HTR1F: variants seen among roughly 807,000 people sequenced by gnomAD.
The protein encoded by HTR1F is 5-hydroxytryptamine receptor 1F, also known as 5-hydroxytryptamine (serotonin) receptor 1F, G protein-coupled.
In HTR1F, 17 loss-of-function variants were observed where a neutral mutation model predicts 24.0. The observed-to-expected ratio is 0.71, with a 90% CI of 0.48 to 1.06. The LOEUF is 1.06. Ranked by LOEUF, HTR1F falls within the 50% of genes least tolerant of loss-of-function variation. The probability of loss-of-function intolerance (pLI) is 0.00; values close to 1 mark genes in which losing one functional copy is unlikely to be tolerated. For missense variants in HTR1F, 391 were observed against 427.8 expected, an observed-to-expected ratio of 0.91 and a Z score of 0.76; for synonymous variants, 186 against 156.8, an observed-to-expected ratio of 1.19 and a Z score of -1.39.
intron 2 of HTR1F, among the ~76,000 whole-genome samples, chr3:87,960,520 G>A (rs151231920): frequency 7.4e-4 from 113 of 152,018 alleles, no homozygotes; most frequent in African/African-American, 2.5e-3. Flanking sequence ...AACCTGTATT[G>A]AATTTCAGTT....
At chr3:87,938,058 G>T (rs917356393) in intron 2 of HTR1F, among the ~76,000 whole-genome samples, 25 of 152,000 alleles carry the variant, frequency 1.6e-4, no homozygotes, top group Admixed American at 1.3e-3. Context: ...TAAGCCCAAA[G>T]CTTCTTAAGC....
At chr3:87,907,339 G>T (rs1211879641) in intron 2 of HTR1F, among the ~76,000 whole-genome samples, 1 of 149,640 alleles carries the variant, frequency 6.7e-6, no homozygotes, top group Admixed American at 6.7e-5. Flanking sequence ...TTTGAGAATT[G>T]TCTATTCATG....
At chr3:87,858,863 T>C (rs906299444) in intron 2 of HTR1F, among the ~76,000 whole-genome samples, 3 of 152,138 alleles carry the variant, frequency 2.0e-5, no homozygotes, top group African/African-American at 7.2e-5. Flanking sequence ...CTGAGACAAA[T>C]GGTTTTCTTT....
rs1410858072 is a variant in HTR1F, at chr3:87,841,892, T to G, written c.-43+19768T>G. ...TCCTGCCTGGGCAACAAGAGTGAGA[T>G]TCTGTCTCAAAAAAAAAAAAAAAAG... On this transcript the variant is annotated intron_variant, in intron 2 of 2. Transcript: ENST00000319595. Among the ~76,000 whole-genome samples the G allele has an allele frequency of 3.7e-5, 5 of 135,756 alleles. No individual in the cohort carries two copies. The East Asian group carries it at 8.6e-4, about 23-fold the overall frequency. 89.1% of individuals were successfully genotyped at this position (135,756 alleles called of 152,430 possible).
chr3:87,805,304 G>T (rs1434786419), intron 1 of HTR1F, among the ~76,000 whole-genome samples: 1 of 151,860 alleles, frequency 6.6e-6, no homozygotes, highest in Non-Finnish European at 1.5e-5. Context: ...GAAAAGTTAA[G>T]ATATTTATTA....
intron 2 of HTR1F, among the ~76,000 whole-genome samples, chr3:87,841,940 T>C (rs1575931782): frequency 8.2e-6 from 1 of 122,030 alleles, no homozygotes; most frequent in Non-Finnish European, 1.7e-5. Flanking sequence ...AAAAAAAAAC[T>C]AAACTAACAT....
chr3:87,929,438 C>T (rs565014884), intron 2 of HTR1F, among the ~76,000 whole-genome samples: 12 of 152,230 alleles, frequency 7.9e-5, no homozygotes, highest in Non-Finnish European at 1.8e-4. Context: ...AGCTGTTTAA[C>T]CTTGAACAAT....
intron 2 of HTR1F, among the ~76,000 whole-genome samples, chr3:87,848,558 T>A (rs879895445): frequency 8.6e-5 from 13 of 152,002 alleles, no homozygotes; most frequent in Non-Finnish European, 1.6e-4. Flanking sequence ...AGGATGCATT[T>A]TCTTTATATA....
At chr3:87,964,501 CT>C in intron 2 of HTR1F, among the ~76,000 whole-genome samples, 1 of 152,256 alleles carries the variant, frequency 6.6e-6, no homozygotes, top group East Asian at 1.9e-4. Flanking sequence ...CAGATGACAT[CT>C]GATAGCACCA....
intron 2 of HTR1F, among the ~76,000 whole-genome samples, chr3:87,949,767 C>CTTCATTTTCT (rs774358922): frequency 1.8e-4 from 27 of 152,232 alleles, no homozygotes; most frequent in South Asian, 1.0e-3. Context: ...TCAAGTAAGT[C>CTTCATTTTCT]TTCATTTTCT....
intron 2 of HTR1F, among the ~76,000 whole-genome samples, chr3:87,899,044 G>A (rs913621437): frequency 1.3e-5 from 2 of 152,180 alleles, no homozygotes; most frequent in African/African-American, 4.8e-5. Flanking sequence ...GCTCCAGGAA[G>A]TAAGCATTGA....
chr3:87,881,830 A>G lies in HTR1F; in HGVS notation c.-43+59706A>G, dbSNP rs1210712032. Among the ~76,000 whole-genome samples, 4 of 152,364 alleles carry G rather than the reference A, an allele frequency of 2.6e-5. No individual in the cohort carries two copies. The East Asian group carries it at 7.7e-4, about 29-fold the overall frequency. The stretch of plus-strand genomic sequence containing the variant: ...GACTTCATGTCTAAACACCAAAAGC[A>G]ATGGCAACAAAAGCCACAATTGACA... On this transcript the variant is annotated intron_variant, in intron 2 of 2. Transcript: ENST00000319595.
At chr3:87,894,419 G>C (rs1706154682) in intron 2 of HTR1F, among the ~76,000 whole-genome samples, 1 of 151,844 alleles carries the variant, frequency 6.6e-6, no homozygotes, top group Non-Finnish European at 1.5e-5. Context: ...ACCATGCCTG[G>C]GTAATTTTTG....
chr3:87,919,558 G>T (rs1703966648), intron 2 of HTR1F, among the ~76,000 whole-genome samples: 1 of 151,836 alleles, frequency 6.6e-6, no homozygotes, highest in Non-Finnish European at 1.5e-5. Context: ...AATGGGCTAA[G>T]GACATGAATA....
chr3:87,943,749 G>A (rs988879808), intron 2 of HTR1F, among the ~76,000 whole-genome samples: 1 of 152,188 alleles, frequency 6.6e-6, no homozygotes, highest in African/African-American at 2.4e-5. Context: ...GCTGTAAGAT[G>A]GTGTTATAAT....
intron 2 of HTR1F, among the ~76,000 whole-genome samples, chr3:87,851,606 G>C (rs1239201198): frequency 6.6e-6 from 1 of 151,550 alleles, no homozygotes; most frequent in African/African-American, 2.4e-5. Context: ...TTTAATGACA[G>C]TCTAATATTC....
intron 2 of HTR1F, among the ~76,000 whole-genome samples, chr3:87,926,063 T>TG (rs1314382583): frequency 2.0e-5 from 3 of 152,188 alleles, no homozygotes; most frequent in African/African-American, 7.2e-5. Context: ...GCAGATACAT[T>TG]TATTTCATAT....
chr3:87,854,938 C>T (rs1167661246), intron 2 of HTR1F, among the ~76,000 whole-genome samples: 1 of 150,928 alleles, frequency 6.6e-6, no homozygotes, highest in Non-Finnish European at 1.5e-5. Flanking sequence ...GTTGTTGTTG[C>T]TGTTTTTTGG....
chr3:87,843,684 C>CCCCCCCCT (rs55727089), intron 2 of HTR1F, among the ~76,000 whole-genome samples: 3 of 135,554 alleles, frequency 2.2e-5, no homozygotes, highest in Admixed American at 7.4e-5. Flanking sequence ...CCCCCTCCCC[C>CCCCCCCCT]ACCCCACAAC....
Sources: gnomAD v4.1 joint callset for allele counts (sites outside exome capture counted in the v4.1 genomes callset) on GRCh38, gnomAD v4.1.1 for gene constraint, MANE v1.5 for transcripts, NCBI Gene and HGNC (gene_info 2026-07-23, HGNC 2026-07-21) for gene names.